Variants in PALMD observed in about 807,000 individuals in gnomAD.
The protein encoded by PALMD is paralemmin-like protein.
A neutral mutation model predicts 56.2 loss-of-function variants in PALMD; 42 were observed. That is an observed-to-expected ratio of 0.75 (90% confidence interval 0.58 to 0.97). The LOEUF is 0.97. PALMD is among the 50% of genes least tolerant of loss of function. The probability of loss-of-function intolerance (pLI) is 0.00; values close to 1 mark genes in which losing one functional copy is unlikely to be tolerated. For missense variants in PALMD, 660 were observed against 643.8 expected (o/e 1.03, Z -0.27); for synonymous variants, 242 against 222.9 (o/e 1.09, Z -0.76).
In PALMD at chr1:99,664,840, T is replaced by C. The variant is rs1015211476; in HGVS notation, c.126+2441T>C. Among the ~76,000 whole-genome samples the C allele has an allele frequency of 2.0e-5, 3 of 152,160 alleles. No individual in the cohort carries two copies. In the South Asian group the frequency reaches 6.2e-4, roughly 32 times the overall value. On this transcript the variant is annotated intron_variant, in intron 2 of 7. Coordinates refer to ENST00000263174, the MANE Select transcript of PALMD (RefSeq NM_017734.5). ...GTTCACTATACTTCAGTGACACACA[T>C]TAAACAACATAAGCATAAACATTTA... is the stretch of plus-strand genomic sequence containing the variant.
At chr1:99,658,689 T>A (rs1033490959) in intron 1 of PALMD, among the ~76,000 whole-genome samples, 1 of 151,852 alleles carries the variant, frequency 6.6e-6, no homozygotes, top group African/African-American at 2.4e-5. Context: ...GAGAATGGCG[T>A]GAATCTGGGA....
chr1:99,687,075 G>A lies in PALMD; in HGVS notation c.401-1G>A, dbSNP rs1479084954. On this transcript the variant is annotated splice_acceptor_variant, in intron 5 of 7. Coordinates refer to ENST00000263174, the MANE Select transcript of PALMD (RefSeq NM_017734.5). LOFTEE classifies it high-confidence loss of function. Reference sequence around the variant, plus strand: ...ATTTTGAATTCATATTAATTTTACAGAGTCAATTGAGGACATCTATGCTAA... The same window carrying A: ...ATTTTGAATTCATATTAATTTTACAAAGTCAATTGAGGACATCTATGCTAA... 2 of 1,578,970 alleles carry A rather than the reference G, an allele frequency of 1.3e-6. No homozygotes were observed.
At chr1:99,686,441 A>G (rs550595857) in intron 3 of PALMD, 2 of 300,322 alleles carry the variant, frequency 6.7e-6, no homozygotes, top group South Asian at 2.3e-4. Context: ...TTTACCTAAT[A>G]TATTCCTTTG....
At chr1:99,656,282 A>G (rs1162279659) in intron 1 of PALMD, among the ~76,000 whole-genome samples, 1 of 152,188 alleles carries the variant, frequency 6.6e-6, no homozygotes, top group Non-Finnish European at 1.5e-5. Flanking sequence ...ATGTTTCTCA[A>G]GAATGGTAAA....
chr1:99,673,832 A>T (rs568658769), intron 3 of PALMD, among the ~76,000 whole-genome samples: 91 of 152,326 alleles, frequency 6.0e-4, no homozygotes, highest in African/African-American at 2.1e-3. Context: ...ACATAGTAGG[A>T]ATACCTGTGA....
chr1:99,651,693 C>T (rs971367606), intron 1 of PALMD, among the ~76,000 whole-genome samples: 1 of 152,078 alleles, frequency 6.6e-6, no homozygotes, highest in Non-Finnish European at 1.5e-5. Context: ...GTTCCCTTAC[C>T]CAGAACCCTG....
chr1:99,677,255 A>C (rs1004224323), intron 3 of PALMD, among the ~76,000 whole-genome samples: 1 of 151,974 alleles, frequency 6.6e-6, no homozygotes, highest in South Asian at 2.1e-4. Context: ...AATGAAAAAA[A>C]TTATGAAAAA....
chr1:99,683,143 A>G (rs1163425576), intron 3 of PALMD: 2 of 125,572 alleles, frequency 1.6e-5, no homozygotes, highest in African/African-American at 7.9e-5. Flanking sequence ...AGAAAGAAAG[A>G]AAGAAAGAAA....
At chr1:99,658,240 G>T (rs1322860945) in intron 1 of PALMD, among the ~76,000 whole-genome samples, 1 of 150,176 alleles carries the variant, frequency 6.7e-6, no homozygotes, top group Non-Finnish European at 1.5e-5. Flanking sequence ...GGAGGCAGAG[G>T]TTGTAGTGAG....
chr1:99,655,704 T>C (rs919630381), intron 1 of PALMD, among the ~76,000 whole-genome samples: 1 of 152,224 alleles, frequency 6.6e-6, no homozygotes, highest in African/African-American at 2.4e-5. Context: ...CATCAGAGAC[T>C]GAAGACTAGA....
intron 3 of PALMD, among the ~76,000 whole-genome samples, chr1:99,678,192 C>T (rs1653256900): frequency 6.6e-6 from 1 of 151,802 alleles, no homozygotes. Context: ...CGACCTCTGC[C>T]TCCCAGATTC....
At chr1:99,693,592 G>A (rs1334989354) in intron 7 of PALMD, among the ~76,000 whole-genome samples, 1 of 152,162 alleles carries the variant, frequency 6.6e-6, no homozygotes, top group Admixed American at 6.6e-5. Context: ...CTTTGGGAAA[G>A]GAAGTTGAAT....
At chr1:99,691,651 A>T (rs1653655873) in intron 7 of PALMD, among the ~76,000 whole-genome samples, 1 of 152,176 alleles carries the variant, frequency 6.6e-6, no homozygotes, top group Non-Finnish European at 1.5e-5. Flanking sequence ...CATGCCATCC[A>T]TATACAAAGA....
intron 7 of PALMD, among the ~76,000 whole-genome samples, chr1:99,690,524 T>C (rs1453147273): frequency 1.3e-5 from 2 of 152,150 alleles, no homozygotes; most frequent in African/African-American, 2.4e-5. Flanking sequence ...CTTTGCAAAA[T>C]TTTTATAGCT....
chr1:99,689,139 A>G lies in PALMD; in HGVS notation c.879A>G (p.Gly293=). ...AAAGGATAAAGATTAAAACTAATGG[A>G]CTGGGTATTGGTGTAAATGAATCCA... ...FQERIKIKTN[G]LGIGVNESIH... is the part of the protein sequence containing the mutation. Residue 293 remains glycine (G), a synonymous_variant, in exon 7 of 8, where the codon GGA becomes GGG. Transcript: ENST00000263174. 6.2e-7 allele frequency: 1 copy of G among 1,613,656 alleles called. No homozygotes were observed.
chr1:99,690,369 C>G (rs1468738899), intron 7 of PALMD, among the ~76,000 whole-genome samples: 8 of 152,024 alleles, frequency 5.3e-5, no homozygotes, highest in Admixed American at 5.2e-4. Context: ...TCTATAGTTT[C>G]ATTAATTTTA....
Position 99,689,158 on chromosome 1 carries a change from G to T in PALMD, c.898G>T (p.Glu300Ter). ...KTNGLGIGVN[E>*]SIHNMGNGLS... The stretch of plus-strand genomic sequence containing the variant: ...TAATGGACTGGGTATTGGTGTAAAT[G>T]AATCCATACACAATATGGGCAATGG... Residue 300 changes from glutamate to a stop codon, truncating the protein, a stop_gained, in exon 7 of 8, where the codon GAA becomes TAA. Transcript: ENST00000263174. LOFTEE classifies it high-confidence loss of function. The T allele has an allele frequency of 6.2e-7, 1 of 1,613,594 alleles. No individual in the cohort carries two copies. Among genetic ancestry groups the T allele is most frequent in the Non-Finnish European group, 8.5e-7 (1 of 1,179,786 alleles).
chr1:99,683,054 AAGAGAG>A (rs775605217), intron 3 of PALMD, among the ~76,000 whole-genome samples: 298 of 26,258 alleles, frequency 0.011, 17 homozygotes, highest in Middle Eastern at 0.027. Context: ...GAAAGAAAGA[AAGAGAG>A]AGAGAGAGAG....
intron 3 of PALMD, 152 bp downstream of exon 3, chr1:99,667,918 A>T (rs566339905): frequency 7.5e-5 from 50 of 670,356 alleles, no homozygotes; most frequent in African/African-American, 7.0e-4. Flanking sequence ...TCACACTGTC[A>T]CCCAGGCTGG....
Sources: allele counts gnomAD v4.1 joint callset (sites outside exome capture counted in the v4.1 genomes callset), GRCh38; gene constraint gnomAD v4.1.1; transcripts MANE v1.5; gene names NCBI Gene and HGNC (gene_info 2026-07-23, HGNC 2026-07-21).